TRIO: variants seen among roughly 807,000 people sequenced by gnomAD.
The protein encoded by TRIO is triple functional domain protein.
In TRIO, 58 loss-of-function variants were observed where a neutral mutation model predicts 351.9. The observed-to-expected ratio is 0.16, with a 90% CI of 0.13 to 0.21. The LOEUF is 0.21. Among genes scored for constraint, TRIO ranks in the 10% least tolerant of loss-of-function variants. The pLI is 1.00. For missense variants in TRIO, 3,201 were observed against 4,027.8 expected, an observed-to-expected ratio of 0.79 and a Z score of 5.56; for synonymous variants, 1,758 against 1,595.7, an observed-to-expected ratio of 1.10 and a Z score of -2.42.
intron 1 of TRIO, chr5:14,183,682 C>T (rs1244362365): frequency 2.9e-6 from 1 of 345,294 alleles, no homozygotes; most frequent in Non-Finnish European, 5.3e-6. Context: ...GGTTTGGTTT[C>T]AGACTTGGAT....
At chr5:14,440,346 G>A (rs994416009) in intron 34 of TRIO, among the ~76,000 whole-genome samples, 1 of 152,184 alleles carries the variant, frequency 6.6e-6, no homozygotes, top group Non-Finnish European at 1.5e-5. Flanking sequence ...GAGGAACAGG[G>A]GAGCGCACAC....
chr5:14,226,836 C>T (rs757326681), intron 1 of TRIO, among the ~76,000 whole-genome samples: 10 of 64,830 alleles, frequency 1.5e-4, no homozygotes, highest in African/African-American at 4.4e-4. Flanking sequence ...CACAAGTGGC[C>T]GATGGCCGGG....
At chr5:14,448,347 G>A (rs1033539378) in intron 34 of TRIO, among the ~76,000 whole-genome samples, 6 of 152,238 alleles carry the variant, frequency 3.9e-5, no homozygotes, top group African/African-American at 1.2e-4. Flanking sequence ...TGCCTGGGGC[G>A]GGGGCTGGGG....
At chr5:14,266,128 G>A (rs370781482) in intron 1 of TRIO, among the ~76,000 whole-genome samples, 1 of 151,780 alleles carries the variant, frequency 6.6e-6, no homozygotes. Context: ...GCATGATCTC[G>A]GCTCACTGCA....
At chr5:14,373,620 A>G (rs765276268) in intron 18 of TRIO, among the ~76,000 whole-genome samples, 14 of 152,240 alleles carry the variant, frequency 9.2e-5, no homozygotes, top group Middle Eastern at 3.2e-3. Context: ...CTGCATAAAC[A>G]TAAACACATA....
intron 34 of TRIO, among the ~76,000 whole-genome samples, chr5:14,450,716 C>CA: frequency 6.6e-6 from 1 of 152,332 alleles, no homozygotes; most frequent in Non-Finnish European, 1.5e-5. Context: ...TCTCCAGACT[C>CA]ACGCTCAGTG....
chr5:14,232,022 C>T (rs1383997995), intron 1 of TRIO, among the ~76,000 whole-genome samples: 1 of 152,190 alleles, frequency 6.6e-6, no homozygotes, highest in East Asian at 1.9e-4. Context: ...CCACAGCCTC[C>T]ACCAGCCCCT....
rs16903361 is a variant in TRIO at position 14,283,908 on chromosome 5, A to G, written c.348-2963A>G. Reference sequence around the variant, plus strand: ...GTCATTGCAAGTCCTGCACAGTGACATTAATCTTAGAATGTCTCTCGGTGG... The same window carrying G: ...GTCATTGCAAGTCCTGCACAGTGACGTTAATCTTAGAATGTCTCTCGGTGG... On this transcript the variant is annotated intron_variant, in intron 3 of 56. Transcript: ENST00000344204. Among the ~76,000 whole-genome samples the G allele has an allele frequency of 9.7e-3, 1,473 of 152,032 alleles. 28 individuals are homozygous for G. The highest frequency in any genetic ancestry group is 0.034 in the African/African-American group (1,402 of 41,474).
At chr5:14,484,356 G>A (rs1755762094) in intron 46 of TRIO, among the ~76,000 whole-genome samples, 1 of 152,198 alleles carries the variant, frequency 6.6e-6, no homozygotes, top group African/African-American at 2.4e-5. Context: ...AGGCATCATA[G>A]AGGGGTTTGG....
At chr5:14,488,283 G>T (rs1415942868) in intron 48 of TRIO, 23 bp downstream of exon 48, 1 of 1,527,682 alleles carries the variant, frequency 6.5e-7, no homozygotes, top group South Asian at 1.2e-5. Context: ...GGGGGCCCGC[G>T]CCCTCCCGCC....
rs139314793 is a variant in TRIO, at chr5:14,498,536, C to T, written c.8228C>T (p.Thr2743Met). The change falls in exon 53 of 57, where the codon ACG becomes ATG. Residue 2743 changes from threonine to methionine, a missense_variant. Thr to Met is a moderately conservative substitution (Grantham distance 81). This residue lies in a region of TRIO where 1,089 missense variants were observed against 954.9 expected (regional missense o/e 1.14). Coordinates refer to ENST00000344204, the MANE Select transcript of TRIO (RefSeq NM_007118.4). Reference sequence around the variant, plus strand: ...TGCCGCAGTGACCTGGGAGAGGCCACGCTGAAGATTGTGGGCGTGACCACG... The same window carrying T: ...TGCCGCAGTGACCTGGGAGAGGCCATGCTGAAGATTGTGGGCGTGACCACG... ...SISYSDLGEA[T>M]LKIVGVTTED... 3.0e-5 allele frequency: 49 copies of T among 1,614,116 alleles called. No homozygotes were observed. Among genetic ancestry groups the T allele is most frequent in the Middle Eastern group, 1.7e-4 (1 of 6,060 alleles).
chr5:14,492,395 T>C (rs1228378091), intron 48 of TRIO, 172 bp from the exon 49 acceptor site: 1 of 782,490 alleles, frequency 1.3e-6, no homozygotes, highest in Non-Finnish European at 2.0e-6. Context: ...TTGAAATAGA[T>C]GCACACAGTT....
chr5:14,464,239 C>A (rs557928746), intron 36 of TRIO, among the ~76,000 whole-genome samples: 1 of 152,208 alleles, frequency 6.6e-6, no homozygotes, highest in Non-Finnish European at 1.5e-5. Context: ...AAGCAGAAAA[C>A]TGGCATTTCT....
At chr5:14,369,648 G>T in intron 18 of TRIO, 125 bp downstream of exon 18, 18 of 1,224,408 alleles carry the variant, frequency 1.5e-5, no homozygotes, top group Non-Finnish European at 1.9e-5. Context: ...GAATGTAACG[G>T]GGCAGTGTCG....
intron 33 of TRIO, among the ~76,000 whole-genome samples, chr5:14,415,635 C>T (rs1749580282): frequency 1.3e-5 from 2 of 152,166 alleles, no homozygotes; most frequent in Non-Finnish European, 1.5e-5. Context: ...TGAAGGTTCA[C>T]ATGCTTGCAA....
At chr5:14,433,907 C>T (rs1169944038) in intron 34 of TRIO, among the ~76,000 whole-genome samples, 1 of 152,136 alleles carries the variant, frequency 6.6e-6, no homozygotes, top group Non-Finnish European at 1.5e-5. Context: ...ATCATAATTT[C>T]AATAGAAAGA....
intron 41 of TRIO, 168 bp downstream of exon 41, chr5:14,477,131 T>C: frequency 1.7e-6 from 1 of 596,354 alleles, no homozygotes. Flanking sequence ...TTCTTCAACA[T>C]GAGTTACCTG....
Position 14,488,058 on chromosome 5 carries a change from G to T in TRIO, c.7430G>T (p.Ser2477Ile), listed in dbSNP as rs769530289. 1.2e-6 allele frequency: 2 copies of T among 1,609,422 alleles called. No individual in the cohort carries two copies. The highest frequency in any genetic ancestry group is 1.7e-6 in the Non-Finnish European group (2 of 1,178,796). The change falls in exon 48 of 57, where the codon AGC becomes ATC. Residue 2477 changes from serine to isoleucine, a missense_variant. Ser to Ile is a moderately radical substitution (Grantham distance 142). Transcript: ENST00000344204. The stretch of plus-strand genomic sequence containing the variant: ...GGCAAGGAGCCCTTCCCCCCCAGCA[G>T]CCCCCTGCAGAAGGGGGGCTCCTTC... Reference protein sequence around the residue: ...SLGKEPFPPSSPLQKGGSFWS... With the variant: ...SLGKEPFPPSIPLQKGGSFWS...
rs773682486 is a variant in TRIO at position 14,183,950 on chromosome 5, A to T, written c.157+40068A>T. On this transcript the variant is annotated intron_variant, in intron 1 of 56. Transcript: ENST00000344204. ...AGATTAATAAATTACCCAAGAGGAC[A>T]TGGCAGAAGGTAAGGATGTGTCCCA... 4 of 697,968 alleles carry T rather than the reference A, an allele frequency of 5.7e-6. No homozygotes were observed. In the Admixed American group the frequency reaches 8.0e-5, roughly 14 times the overall value. 43.2% of individuals were successfully genotyped at this position (697,968 alleles called of 1,614,324 possible). A position where few individuals can be genotyped will look rare whatever the true frequency, so the allele number is the denominator to read the frequency against.
Sources: gnomAD v4.1 joint callset for allele counts (sites outside exome capture counted in the v4.1 genomes callset) on GRCh38, gnomAD v4.1.1 for gene constraint, gnomAD v4.1.1 regional missense constraint, MANE v1.5 for transcripts, NCBI Gene and HGNC (gene_info 2026-07-23, HGNC 2026-07-21) for gene names.